CCDC7: variants seen among roughly 807,000 people sequenced by gnomAD.
CCDC7 encodes coiled-coil domain-containing protein 7.
In CCDC7, 183 loss-of-function variants were observed where a neutral mutation model predicts 196.9. The ratio of observed to expected loss-of-function variants is 0.93; its 90% CI spans 0.82 to 1.05. The LOEUF (loss-of-function observed/expected upper bound fraction) is 1.05. CCDC7 is among the 50% of genes least tolerant of loss of function. The pLI is 0.00. For missense variants in CCDC7, 1,540 were observed against 1,482.2 expected (o/e 1.04, Z -0.64); for synonymous variants, 525 against 484.6 (o/e 1.08, Z -1.10).
intron 28 of CCDC7, among the ~76,000 whole-genome samples, chr10:32,753,784 T>C (rs1416102048): frequency 6.6e-6 from 1 of 152,204 alleles, no homozygotes; most frequent in African/African-American, 2.4e-5. Flanking sequence ...ACAATTATGG[T>C]ATGTTCCTCA....
chr10:32,697,461 A>C (rs1416234036), intron 24 of CCDC7, among the ~76,000 whole-genome samples: 1 of 151,996 alleles, frequency 6.6e-6, no homozygotes, highest in Non-Finnish European at 1.5e-5. Flanking sequence ...AAATCAGGAC[A>C]CTCCCGCCTT....
intron 28 of CCDC7, among the ~76,000 whole-genome samples, chr10:32,750,339 C>T (rs975120608): frequency 3.9e-5 from 6 of 152,098 alleles, no homozygotes; most frequent in African/African-American, 1.4e-4. Context: ...AATAAAGTGA[C>T]ATACTCTTTA....
chr10:32,838,795 G>T (rs979156489), intron 33 of CCDC7, among the ~76,000 whole-genome samples: 17 of 151,966 alleles, frequency 1.1e-4, no homozygotes, highest in Non-Finnish European at 1.8e-4. Flanking sequence ...CTCAGCAGAA[G>T]CCCTACATGT....
intron 11 of CCDC7, among the ~76,000 whole-genome samples, chr10:32,539,284 A>G (rs1359094110): frequency 1.3e-5 from 2 of 151,914 alleles, no homozygotes; most frequent in South Asian, 2.1e-4. Flanking sequence ...TGATGTACTC[A>G]TTTCTAGTAT....
At chr10:32,828,561 A>AAG (rs1565636149) in intron 32 of CCDC7, among the ~76,000 whole-genome samples, 5 of 142,760 alleles carry the variant, frequency 3.5e-5, no homozygotes, top group African/African-American at 1.3e-4. Flanking sequence ...AGAAGAAGAA[A>AAG]GAAGAAGAAG....
At chr10:32,708,265 C>G (rs1411668291) in intron 24 of CCDC7, among the ~76,000 whole-genome samples, 1 of 152,120 alleles carries the variant, frequency 6.6e-6, no homozygotes, top group Non-Finnish European at 1.5e-5. Context: ...AACTGGCTAG[C>G]CATATGGAGA....
chr10:32,558,557 A>G (rs920968289), intron 13 of CCDC7, among the ~76,000 whole-genome samples: 4 of 152,148 alleles, frequency 2.6e-5, no homozygotes, highest in South Asian at 2.1e-4. Flanking sequence ...TAAATCAGCT[A>G]CTAGGCACCT....
intron 13 of CCDC7, among the ~76,000 whole-genome samples, chr10:32,556,432 A>G (rs2054357453): frequency 6.6e-6 from 1 of 152,146 alleles, no homozygotes; most frequent in Admixed American, 6.5e-5. Context: ...TCTCATTGAA[A>G]CATAGAAATT....
At chr10:32,612,351 C>T (rs2062245997) in intron 18 of CCDC7, among the ~76,000 whole-genome samples, 1 of 37,116 alleles carries the variant, frequency 2.7e-5, no homozygotes, top group Non-Finnish European at 9.4e-5. Context: ...AATATACAAT[C>T]ATGTCATCTG....
intron 20 of CCDC7, among the ~76,000 whole-genome samples, chr10:32,646,701 T>G (rs184054168): frequency 6.6e-6 from 1 of 152,314 alleles, no homozygotes; most frequent in African/African-American, 2.4e-5. Flanking sequence ...GTAGTAAGCA[T>G]AGTACTACAT....
chr10:32,783,942 A>G (rs531000983), intron 29 of CCDC7, among the ~76,000 whole-genome samples: 3 of 152,208 alleles, frequency 2.0e-5, no homozygotes, highest in African/African-American at 7.2e-5. Flanking sequence ...GGTACCTACA[A>G]TAAGTAGACA....
At chr10:32,870,527 T>C (rs997281937) in intron 41 of CCDC7, among the ~76,000 whole-genome samples, 2 of 152,196 alleles carry the variant, frequency 1.3e-5, no homozygotes, top group African/African-American at 4.8e-5. Flanking sequence ...AGATATACAA[T>C]CATGTCATCT....
chr10:32,587,798 A>G (rs556225955), intron 18 of CCDC7, among the ~76,000 whole-genome samples: 1 of 152,196 alleles, frequency 6.6e-6, no homozygotes, highest in South Asian at 2.1e-4. Flanking sequence ...ACAATGTTGA[A>G]TAACAGTGAT....
At chr10:32,567,918 G>A in intron 15 of CCDC7, 27 bp downstream of exon 16, 1 of 1,570,828 alleles carries the variant, frequency 6.4e-7, no homozygotes, top group East Asian at 2.3e-5. Flanking sequence ...AATGGAGACA[G>A]TAGTATATGT....
At chr10:32,781,615 G>A (rs889709718) in intron 29 of CCDC7, among the ~76,000 whole-genome samples, 4 of 152,028 alleles carry the variant, frequency 2.6e-5, no homozygotes, top group Admixed American at 6.6e-5. Context: ...ACCCTTTCAC[G>A]TAAAAACAGT....
At chr10:32,636,857 T>C in intron 20 of CCDC7, among the ~76,000 whole-genome samples, 1 of 152,102 alleles carries the variant, frequency 6.6e-6, no homozygotes, top group Non-Finnish European at 1.5e-5. Flanking sequence ...AGTGTAAAAG[T>C]GTTGCTATTT....
At chr10:32,729,301 T>C (rs773715785) in intron 27 of CCDC7, 31 bp from the exon 29 acceptor site, 2 of 1,528,224 alleles carry the variant, frequency 1.3e-6, no homozygotes, top group South Asian at 2.6e-5. Context: ...TATCCAGAAG[T>C]TCTATTGCAC....
intron 18 of CCDC7, chr10:32,623,676 T>C: frequency 2.2e-6 from 1 of 463,916 alleles, no homozygotes; most frequent in Non-Finnish European, 4.4e-6. Context: ...GGCTGGGTTA[T>C]TTATAAGGAA....
intron 21 of CCDC7, among the ~76,000 whole-genome samples, chr10:32,669,599 T>A (rs1116320): frequency 0.053 from 8,066 of 152,190 alleles, 714 homozygotes; most frequent in African/African-American, 0.18. Context: ...TCTTCATGAT[T>A]TAGTCATGGT....
Sources: gnomAD v4.1 joint callset for allele counts (sites outside exome capture counted in the v4.1 genomes callset) on GRCh38, gnomAD v4.1.1 for gene constraint, MANE v1.5 for transcripts, NCBI Gene and HGNC (gene_info 2026-07-23, HGNC 2026-07-21) for gene names.